Variants in WASF1 observed in about 807,000 individuals in gnomAD.
The protein encoded by WASF1 is actin-binding protein WASF1.
In WASF1, 7 loss-of-function variants were observed where a neutral mutation model predicts 50.5. The ratio of observed to expected loss-of-function variants is 0.14; its 90% CI spans 0.08 to 0.26. WASF1 has a LOEUF of 0.26. WASF1 is among the 10% of genes least tolerant of loss of function. The pLI, the probability that WASF1 is intolerant of heterozygous loss-of-function variation, is 1.00. For missense variants in WASF1, 470 were observed against 694.7 expected, an observed-to-expected ratio of 0.68 and a Z score of 3.64; for synonymous variants, 205 against 244.0, an observed-to-expected ratio of 0.84 and a Z score of 1.49.
chr6:110,119,021 A>G lies in WASF1; in HGVS notation c.134-5561T>C, dbSNP rs888508482. Among the ~76,000 whole-genome samples the G allele has an allele frequency of 2.6e-5, 4 of 152,376 alleles. No homozygotes were observed. In the East Asian group the frequency reaches 7.7e-4, roughly 29 times the overall value. On this transcript the variant is annotated intron_variant, in intron 4 of 10. Coordinates refer to ENST00000392589, the MANE Select transcript of WASF1 (RefSeq NM_003931.3). Reference sequence around the variant, plus strand: ...GAGAACAAAGACACAAAGTACCAGAATCTCTGGGACACATTTAAAGCAGTG... The same window carrying G: ...GAGAACAAAGACACAAAGTACCAGAGTCTCTGGGACACATTTAAAGCAGTG...
At chr6:110,149,958 G>A (rs375811637) in intron 3 of WASF1, among the ~76,000 whole-genome samples, 1 of 152,114 alleles carries the variant, frequency 6.6e-6, no homozygotes, top group Non-Finnish European at 1.5e-5. Flanking sequence ...GAACTCCTGA[G>A]CTCAAGCAAT....
At chr6:110,139,870 T>C (rs1212280104) in intron 3 of WASF1, among the ~76,000 whole-genome samples, 1 of 151,832 alleles carries the variant, frequency 6.6e-6, no homozygotes, top group Non-Finnish European at 1.5e-5. Context: ...TAACTAATAA[T>C]AGAAAATTAT....
At chr6:110,155,236 T>G (rs923241845) in intron 3 of WASF1, among the ~76,000 whole-genome samples, 2 of 152,122 alleles carry the variant, frequency 1.3e-5, no homozygotes, top group African/African-American at 4.8e-5. Flanking sequence ...TTGGCCTCGA[T>G]ATACCAATAT....
At chr6:110,143,284 A>G (rs1318722977) in intron 3 of WASF1, among the ~76,000 whole-genome samples, 1 of 152,014 alleles carries the variant, frequency 6.6e-6, no homozygotes, top group Non-Finnish European at 1.5e-5. Flanking sequence ...CTCTTTTAAG[A>G]AGGCAAGGAA....
intron 3 of WASF1, among the ~76,000 whole-genome samples, chr6:110,128,967 C>T (rs1023203965): frequency 5.9e-5 from 9 of 152,074 alleles, no homozygotes; most frequent in Non-Finnish European, 1.2e-4. Flanking sequence ...AGTTTCATCG[C>T]GAAACCATCC....
chr6:110,157,297 AT>A (rs1177088584), intron 3 of WASF1, among the ~76,000 whole-genome samples: 4 of 34,520 alleles, frequency 1.2e-4, no homozygotes, highest in African/African-American at 5.8e-4. Flanking sequence ...ATTTCTAGGT[AT>A]TTTATTCTCT....
intron 5 of WASF1, among the ~76,000 whole-genome samples, chr6:110,109,938 G>C (rs1253315960): frequency 6.6e-6 from 1 of 151,898 alleles, no homozygotes; most frequent in Non-Finnish European, 1.5e-5. Context: ...CATGAACATG[G>C]GACCAATGGC....
chr6:110,172,724 T>A (rs1440816697), intron 2 of WASF1, among the ~76,000 whole-genome samples: 1 of 152,156 alleles, frequency 6.6e-6, no homozygotes, highest in Non-Finnish European at 1.5e-5. Context: ...AAGTGGGAGC[T>A]AAATAATTTG....
Position 110,101,773 on chromosome 6 carries a change from G to A in WASF1, c.1337C>T (p.Thr446Ile), listed in dbSNP as rs780140785. 12 of 1,614,036 alleles carry A rather than the reference G, an allele frequency of 7.4e-6. No individual in the cohort carries two copies. The South Asian group carries it at 9.9e-5, about 13-fold the overall frequency. ...GIRPSSPVTV[T>I]ALAHPPSGLH... Reference sequence around the variant, plus strand: ...CCCAGAGGGAGGATGAGCAAGAGCTGTAACTGTGACAGGTGATGATGGTCG... The same window carrying A: ...CCCAGAGGGAGGATGAGCAAGAGCTATAACTGTGACAGGTGATGATGGTCG... The change falls in exon 10 of 11, where the codon ACA becomes ATA. Residue 446 changes from threonine to isoleucine, a missense_variant. Thr to Ile is a moderately conservative substitution (Grantham distance 89). This residue lies in a region of WASF1 where 294 missense variants were observed against 343.5 expected (regional missense o/e 0.86). Transcript: ENST00000392589.
intron 4 of WASF1, among the ~76,000 whole-genome samples, chr6:110,114,330 T>C (rs914623488): frequency 1.3e-5 from 2 of 152,272 alleles, no homozygotes; most frequent in Admixed American, 6.5e-5. Context: ...TAAAGTTGAA[T>C]TGCTTGATAT....
chr6:110,114,787 G>A (rs953288796), intron 4 of WASF1, among the ~76,000 whole-genome samples: 2 of 150,468 alleles, frequency 1.3e-5, no homozygotes, highest in African/African-American at 4.9e-5. Flanking sequence ...TAGTTTCCAT[G>A]TATGCTGCTT....
At chr6:110,109,552 CTTT>C (rs374420298) in intron 5 of WASF1, among the ~76,000 whole-genome samples, 12 of 135,478 alleles carry the variant, frequency 8.9e-5, no homozygotes, top group African/African-American at 8.3e-5. Context: ...CCTAACAATT[CTTT>C]TTTTTTTTTT....
At chr6:110,153,580 A>G (rs1050323491) in intron 3 of WASF1, among the ~76,000 whole-genome samples, 1 of 152,116 alleles carries the variant, frequency 6.6e-6, no homozygotes, top group African/African-American at 2.4e-5. Context: ...GTGGTATCTC[A>G]TAATTTTAAT....
chr6:110,150,937 T>C (rs1258442833), intron 3 of WASF1, among the ~76,000 whole-genome samples: 1 of 152,178 alleles, frequency 6.6e-6, no homozygotes, highest in Non-Finnish European at 1.5e-5. Context: ...CTTGGGAGGC[T>C]GAGGCAGGAG....
chr6:110,103,986 G>GA (rs1773207902), intron 8 of WASF1, among the ~76,000 whole-genome samples: 1 of 151,884 alleles, frequency 6.6e-6, no homozygotes, highest in African/African-American at 2.4e-5. Context: ...AGTATATCTC[G>GA]GTGTGCTCTT....
intron 3 of WASF1, among the ~76,000 whole-genome samples, chr6:110,130,797 GTAC>G (rs1038323688): frequency 5.2e-4 from 79 of 152,312 alleles, no homozygotes; most frequent in African/African-American, 1.8e-3. Context: ...TCCAGAGACT[GTAC>G]CAACACTTTA....
In WASF1 at chr6:110,140,437, G is replaced by A. The variant is rs116758534; in HGVS notation, c.-28-12808C>T. ...CAGCAAATTAATCAAACCCAAAGGG[G>A]GAGTCATAGGAACCCAACTTGAAGT... is the stretch of plus-strand genomic sequence containing the variant. On this transcript the variant is annotated intron_variant, in intron 3 of 10. Coordinates refer to ENST00000392589, the MANE Select transcript of WASF1 (RefSeq NM_003931.3). 2.7e-3 allele frequency among the ~76,000 whole-genome samples: 406 copies of A among 152,248 alleles called. 1 individual carries two copies. The highest frequency in any genetic ancestry group is 9.5e-3 in the African/African-American group (394 of 41,532).
At chr6:110,126,290 C>T (rs1224639193) in intron 4 of WASF1, among the ~76,000 whole-genome samples, 1 of 151,856 alleles carries the variant, frequency 6.6e-6, no homozygotes, top group African/African-American at 2.4e-5. Flanking sequence ...GTAAACAATA[C>T]AATATTTTAG....
At chr6:110,165,297 T>C (rs922770564) in intron 2 of WASF1, among the ~76,000 whole-genome samples, 16 of 151,798 alleles carry the variant, frequency 1.1e-4, no homozygotes, top group Admixed American at 5.3e-4. Context: ...ATATGGGAAC[T>C]CTCTGTACTT....
Sources: gnomAD v4.1 joint callset for allele counts (sites outside exome capture counted in the v4.1 genomes callset) on GRCh38, gnomAD v4.1.1 for gene constraint, gnomAD v4.1.1 regional missense constraint, MANE v1.5 for transcripts, NCBI Gene and HGNC (gene_info 2026-07-23, HGNC 2026-07-21) for gene names.